Variants in PTPRD observed in about 807,000 individuals in gnomAD.
PTPRD encodes the protein protein tyrosine phosphatase receptor type D, also known as receptor-type tyrosine-protein phosphatase delta.
Under a neutral mutation model 214.5 loss-of-function variants are expected in PTPRD, and 34 were observed. The ratio of observed to expected loss-of-function variants is 0.16; its 90% CI spans 0.12 to 0.21. The LOEUF is 0.21. Ranked by LOEUF, PTPRD falls within the 10% of genes least tolerant of loss-of-function variation. The pLI is 1.00. For missense variants in PTPRD, 2,545 were observed against 2,398.7 expected (o/e 1.06, Z -1.27); for synonymous variants, 1,128 against 845.7 (o/e 1.33, Z -5.79).
intron 12 of PTPRD, among the ~76,000 whole-genome samples, chr9:8,655,892 T>C (rs1565032543): frequency 6.6e-6 from 1 of 152,196 alleles, no homozygotes; most frequent in Non-Finnish European, 1.5e-5. Context: ...GCAGTTGCAA[T>C]CAGGCCATGA....
At chr9:10,293,646 CT>C (rs1362689231) in intron 3 of PTPRD, among the ~76,000 whole-genome samples, 1 of 151,978 alleles carries the variant, frequency 6.6e-6, no homozygotes, top group Non-Finnish European at 1.5e-5. Flanking sequence ...TATGAATCCC[CT>C]TTCTCCCCAT....
chr9:9,237,861 C>T (rs376212995), intron 9 of PTPRD, among the ~76,000 whole-genome samples: 1 of 152,126 alleles, frequency 6.6e-6, no homozygotes, highest in Non-Finnish European at 1.5e-5. Context: ...GTTAACAGGG[C>T]ACTTCATTGA....
chr9:9,608,907 T>A (rs2094349055), intron 7 of PTPRD, among the ~76,000 whole-genome samples: 1 of 152,182 alleles, frequency 6.6e-6, no homozygotes, highest in South Asian at 2.1e-4. Context: ...TCATTTATTG[T>A]TTATTCTTTA....
In PTPRD at chr9:9,275,194, AT is replaced by A. The variant is rs1569566775; in HGVS notation, c.-202-91832del. Among the ~76,000 whole-genome samples the A allele has an allele frequency of 3.9e-3, 43 of 11,042 alleles. 1 individual carries two copies. The highest frequency in any genetic ancestry group is 0.011 in the African/African-American group (43 of 3,754). The allele number at this position is 11,042 out of a possible 152,430, so 7.2% of individuals were successfully genotyped here. On this transcript the variant is annotated intron_variant, in intron 9 of 45. Coordinates refer to ENST00000381196, the MANE Select transcript of PTPRD (RefSeq NM_002839.4). ...TATATAATATATATGTTATATATAT[AT>A]ATATTATATATATATATATATAACC...
intron 3 of PTPRD, among the ~76,000 whole-genome samples, chr9:10,270,644 T>C (rs920763235): frequency 1.3e-5 from 2 of 152,176 alleles, no homozygotes; most frequent in Non-Finnish European, 2.9e-5. Flanking sequence ...ATAATGACAA[T>C]TAAATTTAAA....
chr9:10,481,536 G>A (rs547770616), intron 2 of PTPRD, among the ~76,000 whole-genome samples: 35 of 152,098 alleles, frequency 2.3e-4, no homozygotes, highest in Non-Finnish European at 3.8e-4. Context: ...ACAAGGATTT[G>A]CCTGATTTGT....
At chr9:9,061,080 C>T (rs890382082) in intron 10 of PTPRD, among the ~76,000 whole-genome samples, 8 of 152,020 alleles carry the variant, frequency 5.3e-5, no homozygotes, top group Non-Finnish European at 7.4e-5. Flanking sequence ...TTTAGGACAG[C>T]GGTTACTTCT....
chr9:10,547,970 G>A (rs2060515127), intron 2 of PTPRD, among the ~76,000 whole-genome samples: 1 of 152,054 alleles, frequency 6.6e-6, no homozygotes, highest in African/African-American at 2.4e-5. Flanking sequence ...CTAAAGACAT[G>A]TTTACAAACA....
chr9:9,367,516 T>C (rs2058203216), intron 9 of PTPRD, among the ~76,000 whole-genome samples: 1 of 151,564 alleles, frequency 6.6e-6, no homozygotes, highest in African/African-American at 2.4e-5. Context: ...GATAACAACT[T>C]TGGATGTTTT....
chr9:8,590,110 G>A (rs185484854), intron 14 of PTPRD, among the ~76,000 whole-genome samples: 43 of 152,078 alleles, frequency 2.8e-4, no homozygotes, highest in Non-Finnish European at 3.2e-4. Context: ...TATACAATCT[G>A]TATAGATATA....
At chr9:10,001,004 A>G (rs1341724574) in intron 4 of PTPRD, among the ~76,000 whole-genome samples, 1 of 152,082 alleles carries the variant, frequency 6.6e-6, no homozygotes, top group African/African-American at 2.4e-5. Flanking sequence ...ATTACCGACC[A>G]CTTTTTCGCA....
chr9:8,551,284 A>G (rs1015307083), intron 14 of PTPRD, among the ~76,000 whole-genome samples: 1 of 152,168 alleles, frequency 6.6e-6, no homozygotes, highest in African/African-American at 2.4e-5. Flanking sequence ...CATTGAGGAA[A>G]TGTTCTGCTT....
At chr9:9,430,024 T>A (rs969634477) in intron 8 of PTPRD, among the ~76,000 whole-genome samples, 48 of 152,108 alleles carry the variant, frequency 3.2e-4, no homozygotes, top group Admixed American at 1.1e-3. Context: ...CCACTCCTAT[T>A]CAACATAGTG....
intron 5 of PTPRD, among the ~76,000 whole-genome samples, chr9:9,917,311 A>C (rs1018402413): frequency 7.4e-5 from 11 of 148,236 alleles, no homozygotes; most frequent in East Asian, 3.9e-4. Flanking sequence ...TGAAAAAAAA[A>C]AAAAAAAAAA....
intron 2 of PTPRD, among the ~76,000 whole-genome samples, chr9:10,492,420 T>C (rs539749321): frequency 6.6e-6 from 1 of 152,288 alleles, no homozygotes; most frequent in East Asian, 1.9e-4. Flanking sequence ...TGGCATGAGA[T>C]GGTATCTCAT....
At position 9,418,221 on chromosome 9, in the gene PTPRD, T is replaced by C. The variant is rs567922429; in HGVS notation, c.-236-20739A>G. 5.9e-5 allele frequency among the ~76,000 whole-genome samples: 9 copies of C among 152,132 alleles called. No individual in the cohort carries two copies. The South Asian group carries it at 1.9e-3, about 32-fold the overall frequency. On this transcript the variant is annotated intron_variant, in intron 8 of 45. Transcript: ENST00000381196. ...TGTTAAGCATGAAGGAAATGCTCAA[T>C]GATGTATTTCTGAATGGATCCATTC... is the stretch of plus-strand genomic sequence containing the variant.
chr9:8,910,164 G>A (rs1193686457), intron 11 of PTPRD, among the ~76,000 whole-genome samples: 2 of 151,838 alleles, frequency 1.3e-5, no homozygotes, highest in East Asian at 3.9e-4. Flanking sequence ...CCAGCCTCCC[G>A]AGTAGCTGGG....
intron 6 of PTPRD, among the ~76,000 whole-genome samples, chr9:9,763,953 A>T (rs939069441): frequency 1.3e-5 from 2 of 152,130 alleles, no homozygotes; most frequent in African/African-American, 2.4e-5. Context: ...CTCATTTTTT[A>T]AAATATATGA....
chr9:8,364,157 T>G (rs2079184063), intron 39 of PTPRD, among the ~76,000 whole-genome samples: 2 of 152,198 alleles, frequency 1.3e-5, no homozygotes, highest in Admixed American at 1.3e-4. Flanking sequence ...AGCAAAGGGT[T>G]TGCAAGTGCA....
Sources: gnomAD v4.1 joint callset for allele counts (sites outside exome capture counted in the v4.1 genomes callset) on GRCh38, gnomAD v4.1.1 for gene constraint, MANE v1.5 for transcripts, NCBI Gene and HGNC (gene_info 2026-07-23, HGNC 2026-07-21) for gene names.